Variants in SULF1 observed in about 807,000 individuals in gnomAD.
The protein encoded by SULF1 is extracellular sulfatase Sulf-1.
A neutral mutation model predicts 110.5 loss-of-function variants in SULF1; 46 were observed. The observed-to-expected ratio is 0.42, with a 90% confidence interval of 0.33 to 0.53. SULF1 has a LOEUF of 0.53. Ranked by LOEUF, SULF1 falls within the 20% of genes least tolerant of loss-of-function variation. SULF1 has a pLI of 0.12. For missense variants in SULF1, 941 were observed against 1,094.2 expected, an observed-to-expected ratio of 0.86 and a Z score of 1.98; for synonymous variants, 371 against 387.1, an observed-to-expected ratio of 0.96 and a Z score of 0.49.
chr8:69,578,134 G>A (rs554400252), intron 6 of SULF1, among the ~76,000 whole-genome samples: 39 of 152,258 alleles, frequency 2.6e-4, no homozygotes, highest in South Asian at 8.3e-4. Flanking sequence ...CCCAGTCACC[G>A]GGATAAAAAC....
At chr8:69,528,033 G>A (rs961197533) in intron 3 of SULF1, among the ~76,000 whole-genome samples, 16 of 152,212 alleles carry the variant, frequency 1.1e-4, no homozygotes, top group African/African-American at 3.6e-4. Flanking sequence ...TATGCAGCCC[G>A]TTTCTTTCTT....
chr8:69,598,126 G>C (rs1034517884), intron 8 of SULF1, among the ~76,000 whole-genome samples: 1 of 152,064 alleles, frequency 6.6e-6, no homozygotes, highest in African/African-American at 2.4e-5. Context: ...AAAAAAAAGG[G>C]GGGGACCATT....
At chr8:69,580,111 A>T (rs1384290470) in intron 6 of SULF1, among the ~76,000 whole-genome samples, 1 of 152,172 alleles carries the variant, frequency 6.6e-6, no homozygotes, top group Non-Finnish European at 1.5e-5. Context: ...CTCTTTCAGA[A>T]CTGAGGCATA....
intron 3 of SULF1, among the ~76,000 whole-genome samples, chr8:69,526,843 G>GGGAGGAAGGAAGGA (rs1563498501): frequency 1.4e-5 from 1 of 71,320 alleles, no homozygotes; most frequent in Admixed American, 1.4e-4. Flanking sequence ...GGAAGGAAGG[G>GGGAGGAAGGAAGGA]AGGAAGGAAG....
intron 3 of SULF1, among the ~76,000 whole-genome samples, chr8:69,544,962 A>G (rs1480806255): frequency 1.3e-5 from 2 of 152,206 alleles, no homozygotes; most frequent in African/African-American, 4.8e-5. Context: ...GAGTCCAGGT[A>G]GATTGCATGT....
chr8:69,555,743 T>C lies in SULF1; in HGVS notation c.-133-7796T>C, dbSNP rs73683975. On this transcript the variant is annotated intron_variant, in intron 3 of 22. Coordinates refer to ENST00000402687, the MANE Select transcript of SULF1 (RefSeq NM_001128205.2). ...AGGTGTTCCTCTTCCTACATACGAC[T>C]GTGAGATAGTATTTCGAGAAATGAT... 7.8e-3 allele frequency among the ~76,000 whole-genome samples: 1,187 copies of C among 152,346 alleles called. 19 individuals are homozygous for C. Among genetic ancestry groups the C allele is most frequent in the African/African-American group, 0.027 (1,107 of 41,568 alleles).
At chr8:69,642,522 G>A (rs901934328) in intron 22 of SULF1, 1 of 450,102 alleles carries the variant, frequency 2.2e-6, no homozygotes, top group Non-Finnish European at 2.9e-6. Flanking sequence ...CCATCCTTGA[G>A]CTGGTCTCCC....
chr8:69,536,948 C>T (rs1322108970), intron 3 of SULF1, among the ~76,000 whole-genome samples: 1 of 152,170 alleles, frequency 6.6e-6, no homozygotes, highest in East Asian at 1.9e-4. Flanking sequence ...TGCCAGTCCC[C>T]TACCTACTAG....
At chr8:69,500,381 C>T (rs1810708590) in intron 2 of SULF1, among the ~76,000 whole-genome samples, 3 of 152,124 alleles carry the variant, frequency 2.0e-5, no homozygotes, top group Admixed American at 2.0e-4. Context: ...GTGCTCAAGG[C>T]CACATAGCCA....
At chr8:69,501,477 T>C (rs1810793907) in intron 2 of SULF1, among the ~76,000 whole-genome samples, 1 of 152,236 alleles carries the variant, frequency 6.6e-6, no homozygotes, top group Non-Finnish European at 1.5e-5. Flanking sequence ...AAAGATTCCA[T>C]GATTCAGCGC....
intron 10 of SULF1, among the ~76,000 whole-genome samples, chr8:69,602,449 A>G (rs1260148123): frequency 6.6e-6 from 1 of 152,266 alleles, no homozygotes; most frequent in African/African-American, 2.4e-5. Context: ...AATTATGGAA[A>G]GACTAAAAGA....
At chr8:69,536,739 A>T (rs1317403049) in intron 3 of SULF1, among the ~76,000 whole-genome samples, 1 of 152,212 alleles carries the variant, frequency 6.6e-6, no homozygotes, top group African/African-American at 2.4e-5. Context: ...CTACTCACTT[A>T]GAGCAATGTG....
At chr8:69,514,789 A>C (rs546856677) in intron 3 of SULF1, among the ~76,000 whole-genome samples, 24 of 152,336 alleles carry the variant, frequency 1.6e-4, no homozygotes, top group Middle Eastern at 3.4e-3. Flanking sequence ...GAAATCAGCC[A>C]CAACAAAAGA....
chr8:69,593,073 C>T, intron 8 of SULF1: 1 of 629,792 alleles, frequency 1.6e-6, no homozygotes, highest in Non-Finnish European at 2.0e-6. Context: ...TGCTGCTAAT[C>T]CTTGGGTTTT....
chr8:69,491,608 C>T (rs947100113), upstream of SULF1, among the ~76,000 whole-genome samples: 1 of 152,226 alleles, frequency 6.6e-6, no homozygotes, highest in Non-Finnish European at 1.5e-5. Flanking sequence ...TCTTGTTTAA[C>T]TTATGCAAAT....
At chr8:69,646,812 T>A (rs1811943299) in intron 22 of SULF1, among the ~76,000 whole-genome samples, 1 of 152,048 alleles carries the variant, frequency 6.6e-6, no homozygotes, top group South Asian at 2.1e-4. Flanking sequence ...TACATACACA[T>A]AATAATACAC....
intron 5 of SULF1, among the ~76,000 whole-genome samples, chr8:69,573,734 T>A (rs1189211478): frequency 6.6e-6 from 1 of 152,188 alleles, no homozygotes; most frequent in African/African-American, 2.4e-5. Flanking sequence ...TCCACTTATC[T>A]CCAGGATATT....
At chr8:69,474,100 A>G (rs1351433370) in intron 1 of SULF1, among the ~76,000 whole-genome samples, 1 of 152,184 alleles carries the variant, frequency 6.6e-6, no homozygotes, top group Non-Finnish European at 1.5e-5. Context: ...TCTGAAATAC[A>G]AAGAGTTCTG....
intron 3 of SULF1, among the ~76,000 whole-genome samples, chr8:69,554,997 A>G (rs963638801): frequency 2.9e-5 from 2 of 68,900 alleles, no homozygotes; most frequent in African/African-American, 8.0e-5. Context: ...AAAAAAAAAA[A>G]ACAAAAAAAA....
Sources: allele counts gnomAD v4.1 joint callset (sites outside exome capture counted in the v4.1 genomes callset), GRCh38; gene constraint gnomAD v4.1.1; transcripts MANE v1.5; gene names NCBI Gene and HGNC (gene_info 2026-07-23, HGNC 2026-07-21).